The following NEK11 variants were observed in gnomAD, a reference collection of about 807,000 sequenced individuals.
NEK11 encodes the protein serine/threonine-protein kinase Nek11.
NEK11 carries 72 observed loss-of-function variants against 80.7 expected under a neutral mutation model. The observed-to-expected ratio is 0.89, with a 90% CI of 0.74 to 1.08. The LOEUF is 1.08. NEK11 is among the 50% of genes least tolerant of loss of function. NEK11 has a pLI of 0.00. For missense variants in NEK11, 764 were observed against 763.6 expected, an observed-to-expected ratio of 1.00 and a Z score of -0.01; for synonymous variants, 251 against 260.7, an observed-to-expected ratio of 0.96 and a Z score of 0.36.
At chr3:131,315,378 G>A (rs1415582861) in intron 17 of NEK11, among the ~76,000 whole-genome samples, 1 of 151,812 alleles carries the variant, frequency 6.6e-6, no homozygotes, top group Non-Finnish European at 1.5e-5. Flanking sequence ...TTCTGTGTCT[G>A]GCTTATTTCA....
chr3:131,207,879 G>T (rs2094492032), intron 14 of NEK11, among the ~76,000 whole-genome samples: 1 of 152,176 alleles, frequency 6.6e-6, no homozygotes, highest in South Asian at 2.1e-4. Flanking sequence ...TTTGTCAGAT[G>T]GGTAGATTGC....
Position 131,321,552 on chromosome 3 carries a change from A to C in NEK11, c.1719-28005A>C, listed in dbSNP as rs955044600. 3.3e-5 allele frequency among the ~76,000 whole-genome samples: 5 copies of C among 152,190 alleles called. 1 individual carries two copies. The highest frequency in any genetic ancestry group is 3.3e-4 in the Admixed American group (5 of 15,282). ...CTGCACAGCCAAAGAAACTATCAAC[A>C]GAGTAAACAGACAACCTACAGAATG... On this transcript the variant is annotated intron_variant, in intron 17 of 17. Transcript: ENST00000383366.
In NEK11 at chr3:131,133,426, T is replaced by A. The variant is rs182881164; in HGVS notation, c.521-404T>A. The A allele has an allele frequency of 6.0e-4, 204 of 342,254 alleles. 3 individuals carry two copies. The East Asian group carries it at 0.017, about 29-fold the overall frequency. 21.2% of individuals were successfully genotyped at this position (342,254 alleles called of 1,614,324 possible). A position where few individuals can be genotyped will look rare whatever the true frequency, so the allele number is the denominator to read the frequency against. ...CTTAAATAGTCTCAGATCTTTTCTT[T>A]AAAACGCTCCATTATTGTAAATTTA... On this transcript the variant is annotated intron_variant, in intron 6 of 17. Coordinates refer to ENST00000383366, the MANE Select transcript of NEK11 (RefSeq NM_024800.5).
chr3:131,141,006 A>G (rs1002158567), intron 7 of NEK11, among the ~76,000 whole-genome samples: 1 of 152,088 alleles, frequency 6.6e-6, no homozygotes, highest in Non-Finnish European at 1.5e-5. Context: ...TCTCAAGTCA[A>G]TGTTCACTGA....
At chr3:131,316,609 T>C (rs1430060853) in intron 17 of NEK11, among the ~76,000 whole-genome samples, 3 of 152,114 alleles carry the variant, frequency 2.0e-5, no homozygotes, top group Non-Finnish European at 4.4e-5. Flanking sequence ...ATTTTGATTA[T>C]GTGTGTTTTT....
chr3:131,228,497 G>A (rs1404693930), intron 14 of NEK11, 31 bp from the exon 15 acceptor site: 2 of 1,564,786 alleles, frequency 1.3e-6, no homozygotes, highest in South Asian at 2.4e-5. Context: ...TTAATAACTG[G>A]TAGTATCTGA....
At chr3:131,157,295 T>C (rs1375784624) in intron 10 of NEK11, among the ~76,000 whole-genome samples, 1 of 152,152 alleles carries the variant, frequency 6.6e-6, no homozygotes, top group Admixed American at 6.5e-5. Context: ...ATTAAAATTA[T>C]CTTGGTTACT....
intron 14 of NEK11, among the ~76,000 whole-genome samples, chr3:131,209,865 T>C (rs1390646449): frequency 6.6e-6 from 1 of 152,166 alleles, no homozygotes; most frequent in African/African-American, 2.4e-5. Context: ...TCTATTTGAT[T>C]CTTCTCTCTT....
At chr3:131,102,624 C>A (rs1198370772) in intron 4 of NEK11, among the ~76,000 whole-genome samples, 1 of 152,090 alleles carries the variant, frequency 6.6e-6, no homozygotes, top group Admixed American at 6.6e-5. Flanking sequence ...TTACCTTGAC[C>A]TTGGTGAATC....
intron 3 of NEK11, among the ~76,000 whole-genome samples, chr3:131,068,113 G>A (rs1325045974): frequency 6.6e-6 from 1 of 152,204 alleles, no homozygotes; most frequent in Non-Finnish European, 1.5e-5. Context: ...GGGGGACACA[G>A]TCCCTGTCTG....
intron 4 of NEK11, among the ~76,000 whole-genome samples, chr3:131,108,820 A>G (rs2079604136): frequency 6.6e-6 from 1 of 152,084 alleles, no homozygotes; most frequent in African/African-American, 2.4e-5. Flanking sequence ...TGCTATAGCT[A>G]CGTAGAGGAA....
intron 17 of NEK11, among the ~76,000 whole-genome samples, chr3:131,298,223 G>A (rs1268231632): frequency 6.6e-6 from 1 of 151,840 alleles, no homozygotes; most frequent in East Asian, 1.9e-4. Context: ...TAGCTTGATG[G>A]GGATGGCATT....
In NEK11 at chr3:131,162,490, A is replaced by G. The variant is rs146051556; in HGVS notation, c.1045A>G (p.Lys349Glu). 1.2e-6 allele frequency: 2 copies of G among 1,614,022 alleles called. No homozygotes were observed. Among genetic ancestry groups the G allele is most frequent in the East Asian group, 4.5e-5 (2 of 44,900 alleles). Residue 349 changes from lysine (K) to glutamate (E), a missense_variant, in exon 11 of 18, where the codon AAG (lysine) becomes GAG (glutamate). Lys to Glu is a moderately conservative substitution (Grantham distance 56, BLOSUM62 1). Transcript: ENST00000383366. ...GCCAAGAGAAAGGATGCGGCTGAGGAAGCTCCAGGCGGCTGATGAGAAAGC... is the reference window on the plus strand; with the variant it reads ...GCCAAGAGAAAGGATGCGGCTGAGGGAGCTCCAGGCGGCTGATGAGAAAGC... ...MTPRERMRLR[K>E]LQAADEKARK...
intron 14 of NEK11, among the ~76,000 whole-genome samples, chr3:131,195,778 GA>G (rs1335575578): frequency 9.5e-6 from 1 of 105,274 alleles, no homozygotes; most frequent in African/African-American, 4.6e-5. Context: ...TATATATAAA[GA>G]ATATATATTT....
intron 15 of NEK11, among the ~76,000 whole-genome samples, chr3:131,239,927 T>C (rs189484414): frequency 1.2e-3 from 176 of 152,300 alleles, no homozygotes; most frequent in African/African-American, 4.0e-3. Flanking sequence ...ATTCCCTTAG[T>C]TATCCATTCA....
At chr3:131,050,287 T>G (rs921315633) in intron 3 of NEK11, among the ~76,000 whole-genome samples, 1 of 152,258 alleles carries the variant, frequency 6.6e-6, no homozygotes, top group African/African-American at 2.4e-5. Context: ...TTTAAGCCCT[T>G]GCGGTCCCCA....
chr3:131,292,515 CTTT>C (rs60196110), intron 17 of NEK11, among the ~76,000 whole-genome samples: 2 of 136,242 alleles, frequency 1.5e-5, no homozygotes. Context: ...GAACTAACAT[CTTT>C]TTTTTTTTTT....
At chr3:131,321,085 T>C (rs1270343939) in intron 17 of NEK11, among the ~76,000 whole-genome samples, 1 of 152,174 alleles carries the variant, frequency 6.6e-6, no homozygotes, top group African/African-American at 2.4e-5. Flanking sequence ...GGCATCACAT[T>C]ACCCGGCTTC....
intron 14 of NEK11, among the ~76,000 whole-genome samples, chr3:131,180,693 A>G (rs1001654398): frequency 6.6e-6 from 1 of 152,214 alleles, no homozygotes; most frequent in Admixed American, 6.5e-5. Flanking sequence ...AATCAAAGAC[A>G]CCATCAATTT....
Sources: gnomAD v4.1 joint callset for allele counts (sites outside exome capture counted in the v4.1 genomes callset) on GRCh38, gnomAD v4.1.1 for gene constraint, MANE v1.5 for transcripts, NCBI Gene and HGNC (gene_info 2026-07-23, HGNC 2026-07-21) for gene names.